Variants in DELE1 observed in about 807,000 individuals in gnomAD.
The protein encoded by DELE1 is death ligand signal enhancer.
In DELE1, 54 loss-of-function variants were observed where a neutral mutation model predicts 59.3. That is an observed-to-expected ratio of 0.91 (90% confidence interval 0.73 to 1.14). The LOEUF (loss-of-function observed/expected upper bound fraction) is 1.14. Among genes scored for constraint, DELE1 ranks in the 50% most tolerant of loss-of-function variants. DELE1 has a pLI of 0.00. For missense variants in DELE1, 636 were observed against 643.9 expected, an observed-to-expected ratio of 0.99 and a Z score of 0.13; for synonymous variants, 264 against 259.1, an observed-to-expected ratio of 1.02 and a Z score of -0.18.
chr5:141,938,982 T>C lies in DELE1; in HGVS notation c.*223T>C. Reference sequence around the variant, plus strand: ...TGCATTCACAGTCATTTCTGGTCTGTGCACCAAAGGATGCATTCAGTGACC... The same window carrying C: ...TGCATTCACAGTCATTTCTGGTCTGCGCACCAAAGGATGCATTCAGTGACC... On this transcript the variant is annotated 3_prime_UTR_variant, in exon 12 of 12. Transcript: ENST00000432126. The C allele has an allele frequency of 7.3e-7, 1 of 1,375,760 alleles. No homozygotes were observed. The highest frequency in any genetic ancestry group is 2.8e-5 in the East Asian group (1 of 35,496). The allele number at this position is 1,375,760 out of a possible 1,614,324, so 85.2% of individuals were successfully genotyped here. A position where few individuals can be genotyped will look rare whatever the true frequency, so the allele number is the denominator to read the frequency against.
chr5:141,929,480 C>T (rs1751705600), intron 4 of DELE1, 102 bp from the exon 5 acceptor site: 6 of 1,268,736 alleles, frequency 4.7e-6, no homozygotes, highest in Non-Finnish European at 2.2e-6. Flanking sequence ...GAACTCCTGA[C>T]CTCAGGTGAT....
chr5:141,937,374 A>C lies in DELE1; in HGVS notation c.1309+17A>C, dbSNP rs1411443813. 1.2e-6 allele frequency: 2 copies of C among 1,613,190 alleles called. No homozygotes were observed. Among genetic ancestry groups the C allele is most frequent in the East Asian group, 4.5e-5 (2 of 44,852 alleles). On this transcript the variant is annotated intron_variant, in intron 11 of 11. Transcript: ENST00000432126. Reference sequence around the variant, plus strand: ...GGGCTGCAGGTACAGACCCAAGTCCAAGCCAACAGGTTCATTCCCTGAGCT... The same window carrying C: ...GGGCTGCAGGTACAGACCCAAGTCCCAGCCAACAGGTTCATTCCCTGAGCT...
At position 141,924,614 on chromosome 5, in the gene DELE1, G is replaced by A. The variant is rs1728489171; in HGVS notation, c.65G>A (p.Arg22Lys). ...CGTACACTGGGACCTAGCCTCTGGAGGGTGACTCCTAAGTCCACCAGCCCA... is the reference window on the plus strand; with the variant it reads ...CGTACACTGGGACCTAGCCTCTGGAAGGTGACTCCTAAGTCCACCAGCCCA... ...LPRTLGPSLW[R>K]VTPKSTSPDG... The change falls in exon 2 of 12, where the codon AGG becomes AAG. Residue 22 changes from arginine (R) to lysine (K), a missense_variant. By Grantham distance (26) the Arg-to-Lys change is conservative. Transcript: ENST00000432126. The A allele has an allele frequency of 1.2e-6, 2 of 1,613,918 alleles. No individual in the cohort carries two copies. The highest frequency in any genetic ancestry group is 2.2e-5 in the East Asian group (1 of 44,886).
rs909973033 is a variant in DELE1 at position 141,939,150 on chromosome 5, G to A, written c.*391G>A. 38 of 983,042 alleles carry A rather than the reference G, an allele frequency of 3.9e-5. No homozygotes were observed. Among genetic ancestry groups the A allele is most frequent in the Non-Finnish European group, 4.4e-5 (36 of 826,094 alleles). The allele number at this position is 983,042 out of a possible 1,614,324, so 60.9% of individuals were successfully genotyped here. On this transcript the variant is annotated 3_prime_UTR_variant, in exon 12 of 12. Transcript: ENST00000432126. Reference sequence around the variant, plus strand: ...ACTACTGTTTGCCAATGTCTGATGTGTGTATCCCTGGTTCACAAGAAGATT... The same window carrying A: ...ACTACTGTTTGCCAATGTCTGATGTATGTATCCCTGGTTCACAAGAAGATT...
At position 141,929,722 on chromosome 5, in the gene DELE1, C is replaced by T. The variant is rs749526729; in HGVS notation, c.553C>T (p.Gln185Ter). 1 of 1,614,204 alleles carries T rather than the reference C, an allele frequency of 6.2e-7. No homozygotes were observed. Among genetic ancestry groups the T allele is most frequent in the Non-Finnish European group, 8.5e-7 (1 of 1,180,038 alleles). Residue 185 changes from glutamine (Q) to a stop codon, truncating the protein, a stop_gained, in exon 5 of 12, where the codon CAG becomes TAG. Coordinates refer to ENST00000432126, the MANE Select transcript of DELE1 (RefSeq NM_014773.5). LOFTEE classifies it high-confidence loss of function. ...CAACTCTTTGAGAGGAGCTCGTCCT[C>T]AGGACCCCTCTGAGGAAGGTATGTC... Reference protein sequence around the residue: ...SHNSLRGARPQDPSEEGPGDF... With the variant: ...SHNSLRGARP
At chr5:141,924,750 A>G (rs1310021911) in intron 2 of DELE1, 55 bp downstream of exon 2, 1 of 765,370 alleles carries the variant, frequency 1.3e-6, no homozygotes, top group African/African-American at 1.9e-5. Flanking sequence ...CTTTTTTTTT[A>G]TTTTTTTTTT....
At chr5:141,934,753 G>T (rs1029443266) in intron 10 of DELE1, 167 bp downstream of exon 10, 2 of 645,314 alleles carry the variant, frequency 3.1e-6, no homozygotes, top group African/African-American at 3.6e-5. Context: ...TTGGGCAGTT[G>T]CAGTAGTACG....
At position 141,928,065 on chromosome 5, in the gene DELE1, C is replaced by T. The variant is rs1451698453; in HGVS notation, c.265-86C>T. The T allele has an allele frequency of 6.1e-6, 9 of 1,478,408 alleles. No individual in the cohort carries two copies. In the Admixed American group the frequency reaches 8.4e-5, roughly 14 times the overall value. The allele number at this position is 1,478,408 out of a possible 1,614,324, so 91.6% of individuals were successfully genotyped here. Reference sequence around the variant, plus strand: ...CGGGGAGCTGCCCCACCTGGATTTCCTGAGGAAGTGATGTTTGAGAATAAG... The same window carrying T: ...CGGGGAGCTGCCCCACCTGGATTTCTTGAGGAAGTGATGTTTGAGAATAAG... On this transcript the variant is annotated intron_variant, in intron 3 of 11. Transcript: ENST00000432126.
intron 1 of DELE1, 57 bp downstream of exon 1, chr5:141,924,029 G>C (rs1426158191): frequency 6.4e-5 from 101 of 1,582,636 alleles, no homozygotes; most frequent in Non-Finnish European, 7.8e-5. Context: ...GAACTGGAGT[G>C]GGGGCGGGCC....
Position 141,941,962 on chromosome 5 carries a change from C to T in DELE1, c.*3203C>T, listed in dbSNP as rs760667725. On this transcript the variant is annotated 3_prime_UTR_variant, in exon 12 of 12. Coordinates refer to ENST00000432126, the MANE Select transcript of DELE1 (RefSeq NM_014773.5). ...GCCCCCCACTCGCCGCCTATACACA[C>T]GCACACACGCACACACACACACACG... 109 of 978,456 alleles carry T rather than the reference C, an allele frequency of 1.1e-4. No individual in the cohort carries two copies. The highest frequency in any genetic ancestry group is 5.2e-4 in the Middle Eastern group (1 of 1,932). 60.6% of individuals were successfully genotyped at this position (978,456 alleles called of 1,614,324 possible).
intron 11 of DELE1, among the ~76,000 whole-genome samples, chr5:141,937,860 C>T (rs1463936895): frequency 6.8e-6 from 1 of 147,844 alleles, no homozygotes; most frequent in Admixed American, 6.7e-5. Context: ...GTTTCACTCT[C>T]GTTGCCCAGG....
chr5:141,935,067 T>C (rs1752250623), intron 10 of DELE1: 1 of 157,448 alleles, frequency 6.4e-6, no homozygotes, highest in African/African-American at 2.4e-5. Flanking sequence ...CTGTGAAACC[T>C]GTACACATGA....
At position 141,941,156 on chromosome 5, in the gene DELE1, T is replaced by C; in HGVS notation, c.*2397T>C. ...CTCCCCTCTGTGGTCATTTTGGATT[T>C]TCTGACTACTTCCTTCTAGCCATAG... is the stretch of plus-strand genomic sequence containing the variant. On this transcript the variant is annotated 3_prime_UTR_variant, in exon 12 of 12. Coordinates refer to ENST00000432126, the MANE Select transcript of DELE1 (RefSeq NM_014773.5). The C allele has an allele frequency of 1.0e-6, 1 of 985,448 alleles. No homozygotes were observed. Among genetic ancestry groups the C allele is most frequent in the Non-Finnish European group, 1.2e-6 (1 of 829,946 alleles). 61.0% of individuals were successfully genotyped at this position (985,448 alleles called of 1,614,324 possible).
Position 141,924,694 on chromosome 5 carries a change from A to T in DELE1, c.145A>T (p.Arg49Trp). 1 of 1,590,908 alleles carries T rather than the reference A, an allele frequency of 6.3e-7. No homozygotes were observed. Among genetic ancestry groups the T allele is most frequent in the South Asian group, 1.1e-5 (1 of 90,580 alleles). ...TLLVPVPNLD[R>W]SGPHGPGTSG... is the part of the protein sequence containing the mutation. ...GCTGGTTCCTGTGCCTAACCTCGAC[A>T]GGTAAGATACTGCCATTTTACCACT... The change falls in exon 2 of 12, where the codon AGG becomes TGG. Residue 49 changes from arginine to tryptophan, a missense_variant and splice_region_variant. Arg to Trp is a moderately radical substitution (Grantham distance 101). Transcript: ENST00000432126.
Position 141,925,484 on chromosome 5 carries a change from CT to C in DELE1, c.223del (p.Ser75ProfsTer41). Reference sequence around the variant, plus strand: ...TGGAAGGATGCCTTCCAATGGATGTCTTCCCGTGTCTCCCCGAACACCCTAT... The same window carrying C: ...TGGAAGGATGCCTTCCAATGGATGTCTCCCGTGTCTCCCCGAACACCCTAT... ...HGWKDAFQWM[S>X]SRVSPNTLWD... On this transcript the variant is annotated frameshift_variant, in exon 3 of 12. Coordinates refer to ENST00000432126, the MANE Select transcript of DELE1 (RefSeq NM_014773.5). LOFTEE classifies it high-confidence loss of function. The C allele has an allele frequency of 6.2e-7, 1 of 1,604,530 alleles. No homozygotes were observed. Among genetic ancestry groups the C allele is most frequent in the Non-Finnish European group, 8.5e-7 (1 of 1,175,740 alleles).
intron 7 of DELE1, among the ~76,000 whole-genome samples, chr5:141,930,512 C>T (rs752213416): frequency 8.5e-5 from 13 of 152,208 alleles, no homozygotes; most frequent in Non-Finnish European, 1.5e-4. Flanking sequence ...CCCTCCTGTC[C>T]GTATTCTAGC....
At chr5:141,934,763 G>T (rs138615283) in intron 10 of DELE1, 177 bp downstream of exon 10, 3 of 621,054 alleles carry the variant, frequency 4.8e-6, no homozygotes, top group Admixed American at 5.8e-5. Flanking sequence ...GCAGTAGTAC[G>T]CCAGAGCTGG....
intron 1 of DELE1, 80 bp downstream of exon 1, chr5:141,924,052 C>G (rs1751156507): frequency 1.3e-6 from 2 of 1,542,146 alleles, no homozygotes; most frequent in Non-Finnish European, 1.8e-6. Flanking sequence ...AGGAAACAGC[C>G]GAAGCGATCG....
intron 3 of DELE1, 132 bp from the exon 4 acceptor site, chr5:141,928,019 G>T (rs572178940): frequency 5.6e-6 from 5 of 898,040 alleles, no homozygotes; most frequent in Non-Finnish European, 8.6e-6. Flanking sequence ...GAGAAGTTAG[G>T]GTGTTGTGAA....
Sources: allele counts gnomAD v4.1 joint callset (sites outside exome capture counted in the v4.1 genomes callset), GRCh38; gene constraint gnomAD v4.1.1; transcripts MANE v1.5; gene names NCBI Gene and HGNC (gene_info 2026-07-23, HGNC 2026-07-21).